EPHA7: variants seen among roughly 807,000 people sequenced by gnomAD.
The protein encoded by EPHA7 is ephrin type-A receptor 7.
Under a neutral mutation model 112.6 loss-of-function variants are expected in EPHA7, and 25 were observed. The observed-to-expected ratio is 0.22, with a 90% CI of 0.16 to 0.31. The LOEUF (loss-of-function observed/expected upper bound fraction) is 0.31. EPHA7 is among the 10% of genes least tolerant of loss of function. EPHA7 has a pLI of 1.00. For synonymous variants in EPHA7, 437 were observed against 406.5 expected, an observed-to-expected ratio of 1.07 and a Z score of -0.90; for missense variants, 962 against 1,212.6, an observed-to-expected ratio of 0.79 and a Z score of 3.07.
intron 16 of EPHA7, 61 bp from the exon 17 acceptor site, chr6:93,243,601 C>T: frequency 9.3e-7 from 1 of 1,075,664 alleles, no homozygotes; most frequent in East Asian, 2.4e-5. Context: ...TGGCACTAAA[C>T]TGTCATCAAC....
chr6:93,385,685 G>A (rs1777564345), intron 3 of EPHA7, among the ~76,000 whole-genome samples: 1 of 151,928 alleles, frequency 6.6e-6, no homozygotes, highest in South Asian at 2.1e-4. Context: ...AAATATATTA[G>A]ATATACATAG....
At chr6:93,356,556 C>T (rs1775957241) in intron 5 of EPHA7, among the ~76,000 whole-genome samples, 161 bp downstream of exon 5, 1 of 152,070 alleles carries the variant, frequency 6.6e-6, no homozygotes. Flanking sequence ...TTAATGAGTA[C>T]ACTAATGGTG....
intron 5 of EPHA7, among the ~76,000 whole-genome samples, chr6:93,330,372 T>C (rs1482600054): frequency 6.6e-6 from 1 of 151,272 alleles, no homozygotes; most frequent in Non-Finnish European, 1.5e-5. Flanking sequence ...CACTACAGTG[T>C]TATAGAACAC....
At chr6:93,311,112 C>CTTTTTTTT (rs1434719790) in intron 5 of EPHA7, among the ~76,000 whole-genome samples, 7 of 71,026 alleles carry the variant, frequency 9.9e-5, no homozygotes, top group Admixed American at 1.5e-4. Context: ...TCATGCCCAG[C>CTTTTTTTT]TATTTTTTTT....
At chr6:93,399,959 T>C (rs1229267140) in intron 3 of EPHA7, among the ~76,000 whole-genome samples, 4 of 152,086 alleles carry the variant, frequency 2.6e-5, no homozygotes, top group African/African-American at 9.7e-5. Flanking sequence ...GAATTTGTAA[T>C]ATTAATTGTC....
intron 5 of EPHA7, among the ~76,000 whole-genome samples, chr6:93,318,474 A>G (rs1773912950): frequency 1.3e-5 from 2 of 152,110 alleles, no homozygotes. Context: ...GAAATGAGAA[A>G]AAGACAGGTA....
At chr6:93,397,346 C>G (rs117092495) in intron 3 of EPHA7, among the ~76,000 whole-genome samples, 4,993 of 150,740 alleles carry the variant, frequency 0.033, 118 homozygotes, top group Non-Finnish European at 0.051. Flanking sequence ...TTCTATAAAA[C>G]AGAGTAAACA....
At chr6:93,331,634 A>G (rs1774597766) in intron 5 of EPHA7, among the ~76,000 whole-genome samples, 1 of 151,534 alleles carries the variant, frequency 6.6e-6, no homozygotes, top group Non-Finnish European at 1.5e-5. Context: ...CTGAATACCT[A>G]AGGACAAATT....
intron 3 of EPHA7, among the ~76,000 whole-genome samples, chr6:93,407,192 T>C (rs1436266178): frequency 2.0e-5 from 3 of 152,050 alleles, no homozygotes; most frequent in African/African-American, 7.2e-5. Flanking sequence ...CATATTGTCT[T>C]CTAGCAAACA....
Position 93,283,528 on chromosome 6 carries a change from G to GCTTC in EPHA7, c.1325-11110_1325-11107dup, listed in dbSNP as rs375917947. Among the ~76,000 whole-genome samples, 173 of 152,204 alleles carry GCTTC rather than the reference G, an allele frequency of 1.1e-3. 1 individual carries two copies. The highest frequency in any genetic ancestry group is 4.0e-3 in the African/African-American group (164 of 41,516). Reference sequence around the variant, plus strand: ...GTAACAATCAATGCGAAGGTCTGCAGCTTCACTCCTGAAGCCAGCAAGACC... The same window carrying GCTTC: ...GTAACAATCAATGCGAAGGTCTGCAGCTTCCTTCACTCCTGAAGCCAGCAAGACC... On this transcript the variant is annotated intron_variant, in intron 5 of 16. Transcript: ENST00000369303.
chr6:93,399,302 C>A (rs1443690091), intron 3 of EPHA7, among the ~76,000 whole-genome samples: 1 of 152,044 alleles, frequency 6.6e-6, no homozygotes, highest in African/African-American at 2.4e-5. Flanking sequence ...AGTTTACTTT[C>A]TCTTCCCTTC....
chr6:93,351,253 A>G (rs1454791272), intron 5 of EPHA7, among the ~76,000 whole-genome samples: 2 of 152,040 alleles, frequency 1.3e-5, no homozygotes, highest in African/African-American at 4.8e-5. Flanking sequence ...TTACAGGTAG[A>G]GCACTCCCCA....
chr6:93,295,012 T>A (rs1772584527), intron 5 of EPHA7, among the ~76,000 whole-genome samples: 1 of 150,812 alleles, frequency 6.6e-6, no homozygotes, highest in Non-Finnish European at 1.5e-5. Flanking sequence ...TTTTTGAAAC[T>A]GAGGGGGGAA....
At chr6:93,281,946 T>C (rs1771762318) in intron 5 of EPHA7, among the ~76,000 whole-genome samples, 1 of 151,890 alleles carries the variant, frequency 6.6e-6, no homozygotes, top group Non-Finnish European at 1.5e-5. Flanking sequence ...AATTTATATA[T>C]TATATATTTC....
At chr6:93,393,304 A>G (rs1054658670) in intron 3 of EPHA7, among the ~76,000 whole-genome samples, 1 of 151,928 alleles carries the variant, frequency 6.6e-6, no homozygotes, top group African/African-American at 2.4e-5. Flanking sequence ...TTTGGCTAAT[A>G]AATATCTGAA....
chr6:93,297,750 T>C lies in EPHA7; in HGVS notation c.1325-25328A>G, dbSNP rs934091787. The stretch of plus-strand genomic sequence containing the variant: ...TTTACTAAAAACAGGAACTCAGTAA[T>C]TGAGGTCCATATACACTATATCTCC... On this transcript the variant is annotated intron_variant, in intron 5 of 16. Coordinates refer to ENST00000369303, the MANE Select transcript of EPHA7 (RefSeq NM_004440.4). Among the ~76,000 whole-genome samples, 45 of 152,246 alleles carry C rather than the reference T, an allele frequency of 3.0e-4. 1 individual carries two copies. The highest frequency in any genetic ancestry group is 1.1e-3 in the African/African-American group (44 of 41,574).
intron 5 of EPHA7, among the ~76,000 whole-genome samples, chr6:93,311,311 C>T (rs1773530169): frequency 6.6e-5 from 10 of 151,808 alleles, no homozygotes. Context: ...AAATTAAAGT[C>T]AACCTTCTCA....
chr6:93,248,710 A>G (rs1770071021), intron 14 of EPHA7, among the ~76,000 whole-genome samples: 1 of 151,074 alleles, frequency 6.6e-6, no homozygotes. Context: ...AACAACAAAA[A>G]ACGGAGTCTT....
At chr6:93,273,725 A>G (rs560355358) in intron 5 of EPHA7, among the ~76,000 whole-genome samples, 44 of 152,102 alleles carry the variant, frequency 2.9e-4, no homozygotes, top group African/African-American at 1.0e-3. Context: ...TATATTTTCA[A>G]TGAAGCTAAT....
Sources: gnomAD v4.1 joint callset for allele counts (sites outside exome capture counted in the v4.1 genomes callset) on GRCh38, gnomAD v4.1.1 for gene constraint, MANE v1.5 for transcripts, NCBI Gene and HGNC (gene_info 2026-07-23, HGNC 2026-07-21) for gene names.